The following ADAMTS3 variants were observed in gnomAD, a reference collection of about 807,000 sequenced individuals.
ADAMTS3 encodes the protein ADAM metallopeptidase with thrombospondin type 1 motif 3, also known as A disintegrin and metalloproteinase with thrombospondin motifs 3.
Under a neutral mutation model 129.0 loss-of-function variants are expected in ADAMTS3, and 73 were observed. That is an observed-to-expected ratio of 0.57 (90% CI 0.47 to 0.69). The LOEUF is 0.69. Ranked by LOEUF, ADAMTS3 falls within the 30% of genes least tolerant of loss-of-function variation. The pLI, the probability that ADAMTS3 is intolerant of heterozygous loss-of-function variation, is 0.00. For synonymous variants in ADAMTS3, 477 were observed against 510.8 expected (o/e 0.93, Z 0.89); for missense variants, 1,457 against 1,514.5 (o/e 0.96, Z 0.63).
chr4:72,519,219 A>C (rs1720587195), intron 3 of ADAMTS3, among the ~76,000 whole-genome samples: 1 of 152,184 alleles, frequency 6.6e-6, no homozygotes, highest in African/African-American at 2.4e-5. Context: ...TGTTAGTCTG[A>C]TGGGCTTCCC....
chr4:72,412,896 T>C (rs899525542), intron 4 of ADAMTS3, among the ~76,000 whole-genome samples: 14 of 152,032 alleles, frequency 9.2e-5, no homozygotes, highest in Non-Finnish European at 1.6e-4. Context: ...AAAGAAATTT[T>C]AAGTAAACTG....
intron 3 of ADAMTS3, among the ~76,000 whole-genome samples, chr4:72,524,311 A>G (rs1375525418): frequency 1.3e-5 from 2 of 152,156 alleles, no homozygotes; most frequent in African/African-American, 2.4e-5. Flanking sequence ...ATTGTCATAC[A>G]TTGCTGTTTC....
At chr4:72,284,152 G>C (rs1190571777) in intron 21 of ADAMTS3, among the ~76,000 whole-genome samples, 2 of 152,010 alleles carry the variant, frequency 1.3e-5, no homozygotes, top group Non-Finnish European at 2.9e-5. Context: ...CTAAACACTT[G>C]TAAAAACAAA....
At chr4:72,308,116 T>A (rs952925298) in intron 15 of ADAMTS3, among the ~76,000 whole-genome samples, 17 of 151,988 alleles carry the variant, frequency 1.1e-4, no homozygotes, top group African/African-American at 3.4e-4. Context: ...GAAAGCACAG[T>A]ATATTATTTC....
chr4:72,354,568 C>T (rs1720526862), intron 4 of ADAMTS3, among the ~76,000 whole-genome samples: 1 of 151,868 alleles, frequency 6.6e-6, no homozygotes, highest in Admixed American at 6.6e-5. Context: ...ACAAGTAGTC[C>T]CTTGGGCAAA....
At chr4:72,488,732 C>A (rs145455700) in intron 3 of ADAMTS3, among the ~76,000 whole-genome samples, 9 of 151,854 alleles carry the variant, frequency 5.9e-5, no homozygotes, top group East Asian at 3.9e-4. Context: ...GAAATAATCA[C>A]CACAAATTAA....
At chr4:72,409,866 T>G (rs555456077) in intron 4 of ADAMTS3, among the ~76,000 whole-genome samples, 1 of 152,272 alleles carries the variant, frequency 6.6e-6, no homozygotes, top group South Asian at 2.1e-4. Flanking sequence ...TAAATATGAT[T>G]AGTATTTCCA....
intron 21 of ADAMTS3, among the ~76,000 whole-genome samples, chr4:72,286,366 T>TA (rs1185438332): frequency 1.3e-5 from 2 of 152,256 alleles, no homozygotes; most frequent in Non-Finnish European, 1.5e-5. Context: ...AGCTCTTACA[T>TA]ATGTCAATAC....
chr4:72,283,586 G>A lies in ADAMTS3; in HGVS notation c.3168C>T (p.Thr1056=). ...CCESCSKRSS[T]LPPPYLLEAA... Reference sequence around the variant, plus strand: ...CTTCTAGAAGGTATGGTGGTGGCAGGGTGCTACTGCGCTTGCTGCAGGACT... The same window carrying A: ...CTTCTAGAAGGTATGGTGGTGGCAGAGTGCTACTGCGCTTGCTGCAGGACT... The change falls in exon 22 of 22, where the codon ACC becomes ACT. Residue 1056 remains threonine (T), a synonymous_variant. Transcript: ENST00000286657. The A allele has an allele frequency of 1.2e-6, 2 of 1,613,900 alleles. No homozygotes were observed. Among genetic ancestry groups the A allele is most frequent in the Non-Finnish European group, 1.7e-6 (2 of 1,179,940 alleles).
At chr4:72,300,405 T>C (rs1297712833) in intron 17 of ADAMTS3, among the ~76,000 whole-genome samples, 1 of 152,176 alleles carries the variant, frequency 6.6e-6, no homozygotes, top group African/African-American at 2.4e-5. Context: ...TAAAGCCAGA[T>C]ACTCATGTTG....
chr4:72,444,178 A>T (rs1214199343), intron 3 of ADAMTS3, among the ~76,000 whole-genome samples: 5 of 151,730 alleles, frequency 3.3e-5, no homozygotes, highest in African/African-American at 1.2e-4. Flanking sequence ...CAAACATAAA[A>T]ATGCACAGAC....
chr4:72,319,630 G>T (rs533454711), intron 8 of ADAMTS3, among the ~76,000 whole-genome samples, 155 bp from the exon 9 acceptor site: 1 of 152,326 alleles, frequency 6.6e-6, no homozygotes, highest in South Asian at 2.1e-4. Flanking sequence ...CAATCTGACA[G>T]AAATGCCTTT....
At chr4:72,518,545 G>A (rs1244628427) in intron 3 of ADAMTS3, among the ~76,000 whole-genome samples, 1 of 151,934 alleles carries the variant, frequency 6.6e-6, no homozygotes. Flanking sequence ...TATATATTTA[G>A]GATAGTTAGC....
chr4:72,538,292 A>G (rs1213511803), intron 3 of ADAMTS3, among the ~76,000 whole-genome samples: 2 of 152,216 alleles, frequency 1.3e-5, no homozygotes, highest in Non-Finnish European at 2.9e-5. Flanking sequence ...GAAGCTCAAT[A>G]AACTTCAAGT....
intron 4 of ADAMTS3, among the ~76,000 whole-genome samples, chr4:72,355,463 C>A (rs1720559943): frequency 6.6e-6 from 1 of 151,982 alleles, no homozygotes; most frequent in Non-Finnish European, 1.5e-5. Flanking sequence ...CAATATAAAT[C>A]ACCACAGCAC....
At chr4:72,397,562 TACAC>T (rs35076637) in intron 4 of ADAMTS3, among the ~76,000 whole-genome samples, 6,816 of 146,648 alleles carry the variant, frequency 0.046, 478 homozygotes, top group African/African-American at 0.15. Context: ...GAGACTCTAT[TACAC>T]ACACACACAC....
intron 3 of ADAMTS3, among the ~76,000 whole-genome samples, chr4:72,471,897 A>G (rs1719083998): frequency 6.6e-6 from 1 of 152,050 alleles, no homozygotes; most frequent in Admixed American, 6.5e-5. Flanking sequence ...TTTTAAGACT[A>G]TAAGGGCCCT....
intron 4 of ADAMTS3, among the ~76,000 whole-genome samples, chr4:72,346,409 G>A (rs1181885399): frequency 6.6e-6 from 1 of 152,060 alleles, no homozygotes; most frequent in African/African-American, 2.4e-5. Flanking sequence ...TGCATTTCAT[G>A]TTTAATTTCT....
chr4:72,456,255 A>G (rs1348590378), intron 3 of ADAMTS3, among the ~76,000 whole-genome samples: 609 of 93,962 alleles, frequency 6.5e-3, no homozygotes, highest in Non-Finnish European at 8.9e-3. Context: ...TATATAGTAT[A>G]TATACTGTAT....
Sources: allele counts gnomAD v4.1 joint callset (sites outside exome capture counted in the v4.1 genomes callset), GRCh38; gene constraint gnomAD v4.1.1; transcripts MANE v1.5; gene names NCBI Gene and HGNC (gene_info 2026-07-23, HGNC 2026-07-21).